RGPD1: variants seen among roughly 807,000 people sequenced by gnomAD.
RGPD1 encodes the protein RANBP2 like and GRIP domain containing 1, also known as RANBP2-like and GRIP domain-containing protein 1.
RGPD1 carries 7 observed loss-of-function variants against 40.6 expected under a neutral mutation model. The observed-to-expected ratio is 0.17, with a 90% CI of 0.10 to 0.32. RGPD1 has a LOEUF of 0.32. Ranked by LOEUF, RGPD1 falls within the 10% of genes least tolerant of loss-of-function variation. The probability of loss-of-function intolerance (pLI) is 1.00; values close to 1 mark genes in which losing one functional copy is unlikely to be tolerated. For synonymous variants in RGPD1, 24 were observed against 167.0 expected (o/e 0.14, Z 6.60); for missense variants, 50 against 472.5 (o/e 0.11, Z 8.29).
At chr2:87,009,130 C>T (rs899132143) in intron 22 of RGPD1, among the ~76,000 whole-genome samples, 3 of 113,716 alleles carry the variant, frequency 2.6e-5, no homozygotes, top group Non-Finnish European at 5.3e-5. Context: ...ACGGTGAAAC[C>T]CTGTCTCTAC....
chr2:87,007,432 C>A (rs1573655561), intron 22 of RGPD1, among the ~76,000 whole-genome samples: 1 of 152,288 alleles, frequency 6.6e-6, no homozygotes, highest in Non-Finnish European at 1.5e-5. Flanking sequence ...GGCTGGAGTG[C>A]AGTGGCACGA....
At chr2:86,914,170 CGG>C (rs1677612838) in intron 1 of RGPD1, among the ~76,000 whole-genome samples, 1 of 51,640 alleles carries the variant, frequency 1.9e-5, no homozygotes, top group African/African-American at 7.0e-5. Context: ...GCCTCGGCCT[CGG>C]CCTGGCCGGA....
At chr2:86,998,508 T>C (rs1681872337) in intron 22 of RGPD1, among the ~76,000 whole-genome samples, 1 of 9,476 alleles carries the variant, frequency 1.1e-4, no homozygotes, top group South Asian at 7.0e-3. Context: ...GAGACTCCCA[T>C]CTCAAAAAAA....
upstream of RGPD1, among the ~76,000 whole-genome samples, chr2:86,938,622 AT>A (rs1679506331): frequency 6.6e-6 from 1 of 152,168 alleles, no homozygotes; most frequent in South Asian, 2.1e-4. Flanking sequence ...AAATAAATAA[AT>A]AAAAAGAATT....
intron 1 of RGPD1, among the ~76,000 whole-genome samples, chr2:86,945,384 G>T (rs950158156): frequency 6.6e-6 from 1 of 152,162 alleles, no homozygotes; most frequent in African/African-American, 2.4e-5. Flanking sequence ...GGGTGCTTTG[G>T]ATAGAAGGTA....
chr2:86,934,775 T>C, intron 1 of RGPD1: 1 of 168,004 alleles, frequency 6.0e-6, no homozygotes, highest in East Asian at 1.8e-4. Flanking sequence ...TCGGCTGGTT[T>C]GAGGGCATAG....
chr2:86,924,254 C>T (rs190729959), intron 1 of RGPD1, among the ~76,000 whole-genome samples: 2 of 152,166 alleles, frequency 1.3e-5, no homozygotes, highest in East Asian at 3.9e-4. Flanking sequence ...CTCCCAAGTT[C>T]AGGCAGTTCT....
chr2:86,957,580 AGGATGGTGTTTTTGGTGGC>A (rs1558807214), intron 4 of RGPD1, 107 bp from the exon 5 acceptor site: 1 of 564,490 alleles, frequency 1.8e-6, no homozygotes, highest in African/African-American at 1.9e-5. Flanking sequence ...TAAGGTATAT[AGGATGGTGTTTTTGGTGGC>A]ATCATCATAA....
Position 86,987,008 on chromosome 2 carries a change from G to A in RGPD1, c.4109G>A (p.Gly1370Asp). The A allele has an allele frequency of 1.3e-6, 2 of 1,591,366 alleles. No individual in the cohort carries two copies. The highest frequency in any genetic ancestry group is 1.1e-5 in the South Asian group (1 of 90,782). Residue 1370 changes from glycine to aspartate, a missense_variant, in exon 20 of 23, where the codon GGC (glycine) becomes GAC (aspartate). By Grantham distance (94) the Gly-to-Asp change is moderately conservative. Coordinates refer to ENST00000641458, the MANE Select transcript of RGPD1 (RefSeq NM_001382344.1). ...DKDVGQWKER[G>D]IGDIKILQNY... ...GATGTTGGTCAATGGAAAGAAAGGG[G>A]CATTGGTGATATAAAGATTTTACAG...
intron 1 of RGPD1, among the ~76,000 whole-genome samples, chr2:86,942,785 G>A (rs1029328431): frequency 1.4e-5 from 2 of 148,074 alleles, no homozygotes; most frequent in Non-Finnish European, 3.0e-5. Context: ...TTGAGGCGCC[G>A]GCCGGCTGGC....
Position 86,913,884 on chromosome 2 carries a change from T to C in RGPD1, c.35T>C (p.Leu12Pro), listed in dbSNP as rs765134549. ...AGCAAGGCCTACGGGGAGCGGTACC[T>C]CGCCTCGGTGCAGGGCTCCGCCCCG... Residue 12 changes from leucine (L) to proline (P), a missense_variant, in exon 1 of 23, where the codon CTC becomes CCC. Coordinates refer to the RGPD1 transcript ENST00000398193. 22 of 1,576,994 alleles carry C rather than the reference T, an allele frequency of 1.4e-5. 2 individuals carry two copies. The highest frequency in any genetic ancestry group is 1.9e-5 in the Non-Finnish European group (22 of 1,161,832).
At chr2:86,942,675 C>T (rs1384258525) in intron 1 of RGPD1, among the ~76,000 whole-genome samples, 4 of 143,932 alleles carry the variant, frequency 2.8e-5, no homozygotes, top group African/African-American at 5.0e-5. Context: ...GCGGCGGCCT[C>T]GACCTGGCCG....
intron 1 of RGPD1, among the ~76,000 whole-genome samples, chr2:86,943,200 C>T (rs1408933471): frequency 1.3e-5 from 2 of 149,996 alleles, no homozygotes; most frequent in Admixed American, 6.6e-5. Flanking sequence ...GGGGAAGTCC[C>T]CTTGTTTTGA....
At chr2:86,923,597 TG>T (rs1433260111) in intron 1 of RGPD1, among the ~76,000 whole-genome samples, 1 of 145,962 alleles carries the variant, frequency 6.9e-6, no homozygotes, top group Non-Finnish European at 1.5e-5. Flanking sequence ...CACCACCTCC[TG>T]GGTTGAAGCT....
intron 1 of RGPD1, among the ~76,000 whole-genome samples, chr2:86,945,492 G>A (rs1327024363): frequency 2.6e-5 from 4 of 152,178 alleles, no homozygotes; most frequent in African/African-American, 7.2e-5. Context: ...AACTGCCCAT[G>A]CTTTCTAGAA....
upstream of RGPD1, among the ~76,000 whole-genome samples, chr2:86,939,543 G>T (rs1679580022): frequency 7.2e-6 from 1 of 138,808 alleles, no homozygotes; most frequent in African/African-American, 2.7e-5. Context: ...TGCGCCACTG[G>T]AGTCCAGCCT....
intron 1 of RGPD1, among the ~76,000 whole-genome samples, chr2:86,943,657 G>T (rs1193997796): frequency 6.6e-6 from 1 of 152,126 alleles, no homozygotes; most frequent in Non-Finnish European, 1.5e-5. Flanking sequence ...AACATTTAGG[G>T]TATTGCTTGA....
intron 1 of RGPD1, chr2:86,930,327 G>A (rs1227315597): frequency 2.3e-5 from 27 of 1,196,702 alleles, no homozygotes; most frequent in Admixed American, 1.9e-4. Context: ...TATAAGGCGC[G>A]GAGGCGGGGG....
chr2:86,925,920 A>T (rs1333260119), intron 1 of RGPD1, among the ~76,000 whole-genome samples: 2 of 152,192 alleles, frequency 1.3e-5, no homozygotes, highest in Non-Finnish European at 2.9e-5. Context: ...TGCCAAATGA[A>T]TAATTAAAAA....
Sources: gnomAD v4.1 joint callset for allele counts (sites outside exome capture counted in the v4.1 genomes callset) on GRCh38, gnomAD v4.1.1 for gene constraint, MANE v1.5 for transcripts, NCBI Gene and HGNC (gene_info 2026-07-23, HGNC 2026-07-21) for gene names.